The following AGTR1 variants were observed in gnomAD, a reference collection of about 807,000 sequenced individuals.
AGTR1 encodes the protein angiotensin II receptor type 1.
A neutral mutation model predicts 19.4 loss-of-function variants in AGTR1; 16 were observed. The observed-to-expected ratio is 0.82, with a 90% CI of 0.56 to 1.25. The LOEUF (loss-of-function observed/expected upper bound fraction) is 1.25, where lower values mean the gene tolerates loss of function less well. AGTR1 is among the 50% of genes most tolerant of loss of function. The pLI is 0.00. For synonymous variants in AGTR1, 153 were observed against 154.9 expected (o/e 0.99, Z 0.09); for missense variants, 373 against 431.9 (o/e 0.86, Z 1.21).
intron 2 of AGTR1, among the ~76,000 whole-genome samples, chr3:148,727,397 C>T (rs12695897): frequency 0.013 from 1,978 of 152,272 alleles, 50 homozygotes; most frequent in African/African-American, 0.046. Context: ...GGATACAGAT[C>T]GATGCCCTCT....
chr3:148,741,727 A>G lies in AGTR1; in HGVS notation c.692A>G (p.Asn231Ser). 1 of 1,614,044 alleles carries G rather than the reference A, an allele frequency of 6.2e-7. No homozygotes were observed. Among genetic ancestry groups the G allele is most frequent in the Non-Finnish European group, 8.5e-7 (1 of 1,179,992 alleles). ...AAGAAGGCTTATGAAATTCAGAAGA[A>G]CAAACCAAGAAATGATGATATTTTT... ...ALKKAYEIQK[N>S]KPRNDDIFKI... is the part of the protein sequence containing the mutation. The change falls in exon 3 of 3, where the codon AAC (asparagine) becomes AGC (serine). Residue 231 changes from asparagine to serine, a missense_variant. Physicochemically the swap from Asn to Ser is conservative, Grantham distance 46. Coordinates refer to ENST00000349243, the MANE Select transcript of AGTR1 (RefSeq NM_000685.5).
intron 2 of AGTR1, among the ~76,000 whole-genome samples, chr3:148,710,301 CTGTT>C (rs1712910000): frequency 6.6e-6 from 1 of 151,668 alleles, no homozygotes; most frequent in Admixed American, 6.6e-5. Flanking sequence ...TTTGTTTTTC[CTGTT>C]TGTTTGCATA....
At chr3:148,705,462 C>T (rs1225757596) in intron 1 of AGTR1, among the ~76,000 whole-genome samples, 2 of 152,144 alleles carry the variant, frequency 1.3e-5, no homozygotes, top group East Asian at 3.9e-4. Context: ...GATGTCACTT[C>T]ATATAAAACA....
intron 2 of AGTR1, among the ~76,000 whole-genome samples, chr3:148,719,948 G>A (rs1180035263): frequency 3.9e-5 from 6 of 152,006 alleles, no homozygotes. Context: ...TTAATATTTG[G>A]ATCTGTAAAA....
intron 2 of AGTR1, among the ~76,000 whole-genome samples, chr3:148,717,523 T>G (rs1713371925): frequency 6.6e-6 from 1 of 152,156 alleles, no homozygotes; most frequent in African/African-American, 2.4e-5. Flanking sequence ...ATTGCAGCAT[T>G]TTAAAAAAAT....
intron 2 of AGTR1, chr3:148,739,682 T>G: frequency 2.1e-6 from 2 of 959,016 alleles, no homozygotes; most frequent in Non-Finnish European, 2.7e-6. Context: ...TTGCACAGCA[T>G]CCCTTTGCAC....
intron 1 of AGTR1, among the ~76,000 whole-genome samples, chr3:148,703,201 G>C (rs1345657160): frequency 6.6e-6 from 1 of 152,106 alleles, no homozygotes; most frequent in Admixed American, 6.5e-5. Context: ...TCCCCCTGTT[G>C]AGACACATTG....
chr3:148,739,795 C>T (rs990312053), intron 2 of AGTR1: 76 of 1,231,502 alleles, frequency 6.2e-5, no homozygotes, highest in Non-Finnish European at 3.6e-5. Flanking sequence ...CCTCTTTTTC[C>T]CCAGGGCATG....
At chr3:148,711,317 A>G (rs1299481082) in intron 2 of AGTR1, among the ~76,000 whole-genome samples, 1 of 152,228 alleles carries the variant, frequency 6.6e-6, no homozygotes, top group Non-Finnish European at 1.5e-5. Flanking sequence ...GCAAAAAATT[A>G]AAAACAAATT....
chr3:148,740,849 T>C, intron 2 of AGTR1, 140 bp from the exon 3 acceptor site: 1 of 720,326 alleles, frequency 1.4e-6, no homozygotes, highest in Non-Finnish European at 2.2e-6. Context: ...TCACAGTGTT[T>C]CCTTAAGAAA....
chr3:148,703,789 GT>G (rs1712491763), intron 1 of AGTR1, among the ~76,000 whole-genome samples: 1 of 151,400 alleles, frequency 6.6e-6, no homozygotes. Context: ...TTTATTTAAA[GT>G]TTTAATTTGA....
At chr3:148,713,037 A>G (rs1713088898) in intron 2 of AGTR1, among the ~76,000 whole-genome samples, 1 of 152,152 alleles carries the variant, frequency 6.6e-6, no homozygotes, top group Non-Finnish European at 1.5e-5. Context: ...TGAAAGAGTG[A>G]GAAATACAAT....
chr3:148,704,900 T>C (rs539111113), intron 1 of AGTR1, among the ~76,000 whole-genome samples: 1 of 152,338 alleles, frequency 6.6e-6, no homozygotes, highest in Admixed American at 6.5e-5. Context: ...TCCTTGAATC[T>C]AGAACTGTAG....
At chr3:148,736,712 G>A (rs964892422) in intron 2 of AGTR1, among the ~76,000 whole-genome samples, 1 of 152,154 alleles carries the variant, frequency 6.6e-6, no homozygotes, top group African/African-American at 2.4e-5. Flanking sequence ...TGGCAAAGGA[G>A]GATTCCATTT....
At chr3:148,712,250 C>A (rs966233186) in intron 2 of AGTR1, among the ~76,000 whole-genome samples, 2 of 151,956 alleles carry the variant, frequency 1.3e-5, no homozygotes, top group Non-Finnish European at 2.9e-5. Flanking sequence ...TCTAGTATAT[C>A]TCATAAATGT....
rs753342902 is a variant in AGTR1, at chr3:148,701,732, A to G, written c.-132+3605A>G. ...AAAAAATGAGTGTGCCTTGTTTCCT[A>G]TTATTACAATGTGCCTTCCTATTTC... On this transcript the variant is annotated intron_variant, in intron 1 of 2. Coordinates refer to ENST00000349243, the MANE Select transcript of AGTR1 (RefSeq NM_000685.5). Among the ~76,000 whole-genome samples, 34 of 152,116 alleles carry G rather than the reference A, an allele frequency of 2.2e-4. 1 individual carries two copies. Among genetic ancestry groups the G allele is most frequent in the Non-Finnish European group, 4.6e-4 (31 of 68,002 alleles).
At chr3:148,733,965 A>G (rs1714431462) in intron 2 of AGTR1, among the ~76,000 whole-genome samples, 3 of 152,174 alleles carry the variant, frequency 2.0e-5, no homozygotes, top group South Asian at 2.1e-4. Flanking sequence ...AAGCATGTGA[A>G]TTAGACTTGA....
intron 1 of AGTR1, among the ~76,000 whole-genome samples, chr3:148,702,347 A>C (rs1164119427): frequency 2.0e-5 from 3 of 152,158 alleles, no homozygotes; most frequent in South Asian, 2.1e-4. Context: ...TTCTGATTCT[A>C]TATTAGTCAA....
chr3:148,698,361 C>G (rs761863155), intron 1 of AGTR1: 1 of 152,324 alleles, frequency 6.6e-6, no homozygotes, highest in Non-Finnish European at 1.5e-5. Flanking sequence ...CCACGTGCCT[C>G]GAAATTCTCA....
Sources: gnomAD v4.1 joint callset for allele counts (sites outside exome capture counted in the v4.1 genomes callset) on GRCh38, gnomAD v4.1.1 for gene constraint, MANE v1.5 for transcripts, NCBI Gene and HGNC (gene_info 2026-07-23, HGNC 2026-07-21) for gene names.